The following RNASEH1 variants were observed in gnomAD, a reference collection of about 807,000 sequenced individuals.
RNASEH1 encodes ribonuclease H type II.
A neutral mutation model predicts 34.6 loss-of-function variants in RNASEH1; 27 were observed. That is an observed-to-expected ratio of 0.78 (90% confidence interval 0.58 to 1.08). The LOEUF (loss-of-function observed/expected upper bound fraction) is 1.08. RNASEH1 is among the 50% of genes least tolerant of loss of function. RNASEH1 has a pLI of 0.00. For synonymous variants in RNASEH1, 162 were observed against 138.4 expected, an observed-to-expected ratio of 1.17 and a Z score of -1.20; for missense variants, 349 against 373.6, an observed-to-expected ratio of 0.93 and a Z score of 0.54.
the RNASEH1 span, among the ~76,000 whole-genome samples, chr2:3,536,332 G>A: frequency 6.6e-6 from 1 of 152,194 alleles, no homozygotes; most frequent in Non-Finnish European, 1.5e-5. Context: ...TAAAACAAAT[G>A]GGCCTTGACA....
At position 3,558,255 on chromosome 2, in the gene RNASEH1, G is replaced by C. The variant is rs1223780346; in HGVS notation, c.6C>G (p.Ser2Arg). ...CTCTGTGGGCCAGGAACAGAAGCCA[G>C]CTCATCGCTCACTCCCGGCACCGGG... M[S>R]WLLFLAHRVA... is the part of the protein sequence containing the mutation. The change falls in exon 1 of 8, where the codon AGC (serine) becomes AGG (arginine). Residue 2 changes from serine (S) to arginine (R), a missense_variant. Coordinates refer to ENST00000315212, the MANE Select transcript of RNASEH1 (RefSeq NM_002936.6). 1.9e-6 allele frequency: 3 copies of C among 1,583,742 alleles called. No homozygotes were observed. Among genetic ancestry groups the C allele is most frequent in the East Asian group, 2.3e-5 (1 of 43,006 alleles).
chr2:3,541,588 T>C lies in RNASEH1; in HGVS notation c.*4197A>G, dbSNP rs887739199. Among the ~76,000 whole-genome samples, 5 of 152,190 alleles carry C rather than the reference T, an allele frequency of 3.3e-5. No individual in the cohort carries two copies. Among genetic ancestry groups the C allele is most frequent in the African/African-American group, 1.2e-4 (5 of 41,458 alleles). ...AAATGGGTGAATGCCAAAATAATTA[T>C]GCTGAGTAGAAGCACCTCCCCCCAC... is the stretch of plus-strand genomic sequence containing the variant. On this transcript the variant is annotated 3_prime_UTR_variant, in exon 8 of 8. Transcript: ENST00000315212.
At chr2:3,536,463 G>C (rs564635945), downstream of RNASEH1, among the ~76,000 whole-genome samples, 3 of 152,212 alleles carry the variant, frequency 2.0e-5, no homozygotes, top group Admixed American at 6.5e-5. Flanking sequence ...GCTCTGTCCT[G>C]GGCTGGCTCC....
At chr2:3,535,831 A>G in the RNASEH1 span, among the ~76,000 whole-genome samples, 1 of 152,230 alleles carries the variant, frequency 6.6e-6, no homozygotes, top group African/African-American at 2.4e-5. Context: ...GGAGCTCTGC[A>G]CTAGTACAGG....
chr2:3,557,227 T>A (rs1660601698), intron 1 of RNASEH1, among the ~76,000 whole-genome samples: 1 of 152,214 alleles, frequency 6.6e-6, no homozygotes, highest in African/African-American at 2.4e-5. Context: ...TTTTTCCAAA[T>A]ATTTTTGATC....
intron 2 of RNASEH1, among the ~76,000 whole-genome samples, chr2:3,553,732 G>A (rs1380377010): frequency 1.3e-5 from 2 of 152,008 alleles, no homozygotes; most frequent in African/African-American, 4.8e-5. Context: ...TCTGGGAAGG[G>A]CCCATATCTC....
chr2:3,547,934 C>G lies in RNASEH1; in HGVS notation c.771G>C (p.Gln257His). 6.2e-7 allele frequency: 1 copy of G among 1,613,760 alleles called. No individual in the cohort carries two copies. The highest frequency in any genetic ancestry group is 8.5e-7 in the Non-Finnish European group (1 of 1,179,668). ...CATGAACATTTAAGATACTCACCCACTGAATGTCCATCCCCTGGGTAAGCC... is the reference window on the plus strand; with the variant it reads ...CATGAACATTTAAGATACTCACCCAGTGAATGTCCATCCCCTGGGTAAGCC... The part of the protein sequence containing the change: ...LERLTQGMDI[Q>H]WMHVPGHSGF... The change falls in exon 7 of 8, where the codon CAG becomes CAC. Residue 257 changes from glutamine to histidine, a missense_variant. Physicochemically the swap from Gln to His is conservative, Grantham distance 24. This residue lies in a region of RNASEH1 where 93 missense variants were observed against 132.9 expected (regional missense o/e 0.70). Transcript: ENST00000315212.
At chr2:3,548,935 T>TA (rs1450551898) in intron 5 of RNASEH1, 123 bp downstream of exon 5, 14 of 936,568 alleles carry the variant, frequency 1.5e-5, no homozygotes, top group Non-Finnish European at 2.0e-5. Flanking sequence ...TCAAAATTGT[T>TA]ATTAAACCCG....
the RNASEH1 span, among the ~76,000 whole-genome samples, chr2:3,532,785 C>T: frequency 6.6e-6 from 1 of 152,196 alleles, no homozygotes. Flanking sequence ...TTCACTGAGG[C>T]CCAAAGAGAT....
At chr2:3,556,689 C>G (rs547482179) in intron 2 of RNASEH1, 100 bp downstream of exon 2, 1 of 713,786 alleles carries the variant, frequency 1.4e-6, no homozygotes, top group African/African-American at 1.8e-5. Flanking sequence ...ACACGAGGTT[C>G]CCTACATGCC....
the RNASEH1 span, among the ~76,000 whole-genome samples, chr2:3,532,774 G>C: frequency 6.6e-6 from 1 of 152,216 alleles, no homozygotes; most frequent in African/African-American, 2.4e-5. Context: ...TAGTGAAAGT[G>C]TTCACTGAGG....
At chr2:3,535,274 T>A in the RNASEH1 span, among the ~76,000 whole-genome samples, 1 of 150,794 alleles carries the variant, frequency 6.6e-6, no homozygotes, top group African/African-American at 2.4e-5. Flanking sequence ...AAAAAAAAAT[T>A]AAAAAGCCAG....
At position 3,541,798 on chromosome 2, in the gene RNASEH1, G is replaced by A. The variant is rs376958543; in HGVS notation, c.*3987C>T. On this transcript the variant is annotated 3_prime_UTR_variant, in exon 8 of 8. Coordinates refer to ENST00000315212, the MANE Select transcript of RNASEH1 (RefSeq NM_002936.6). ...CGACAGCTTCACAGGCAAATGCATC[G>A]GTCACTTCACGTATGTGCAGTTCAT... Among the ~76,000 whole-genome samples the A allele has an allele frequency of 6.6e-6, 1 of 152,158 alleles. No homozygotes were observed. Among genetic ancestry groups the A allele is most frequent in the South Asian group, 2.1e-4 (1 of 4,836 alleles).
rs373149401 is a variant in RNASEH1, at chr2:3,558,289, C to A, written c.-29G>T. On this transcript the variant is annotated 5_prime_UTR_variant, in exon 1 of 8. Transcript: ENST00000315212. Reference sequence around the variant, plus strand: ...TCACTCCCGGCACCGGGAAGCATTTCGACTCCCGGCCCAGCGTGGGCGCGA... The same window carrying A: ...TCACTCCCGGCACCGGGAAGCATTTAGACTCCCGGCCCAGCGTGGGCGCGA... 3.9e-6 allele frequency: 6 copies of A among 1,521,032 alleles called. No individual in the cohort carries two copies. The highest frequency in any genetic ancestry group is 1.4e-5 in the African/African-American group (1 of 70,178). The allele number at this position is 1,521,032 out of a possible 1,614,324, so 94.2% of individuals were successfully genotyped here.
chr2:3,556,034 C>T (rs1660459583), intron 2 of RNASEH1, among the ~76,000 whole-genome samples: 1 of 151,950 alleles, frequency 6.6e-6, no homozygotes, highest in South Asian at 2.1e-4. Flanking sequence ...ATTAGCCGGG[C>T]GTGGTGGCAC....
intron 4 of RNASEH1, chr2:3,549,974 C>T (rs1315943158): frequency 6.1e-6 from 1 of 164,532 alleles, no homozygotes; most frequent in Non-Finnish European, 1.3e-5. Context: ...GACTCCTCCC[C>T]AGGGCAAGAA....
Position 3,545,715 on chromosome 2 carries a change from C to G in RNASEH1, c.*70G>C. On this transcript the variant is annotated 3_prime_UTR_variant, in exon 8 of 8. Coordinates refer to ENST00000315212, the MANE Select transcript of RNASEH1 (RefSeq NM_002936.6). ...AATGGTCCTACCTGCAGGCTATTTT[C>G]CACACCAGTAAGTACAGGCAGCAAG... 1 of 1,043,858 alleles carries G rather than the reference C, an allele frequency of 9.6e-7. No individual in the cohort carries two copies. Among genetic ancestry groups the G allele is most frequent in the South Asian group, 1.3e-5 (1 of 79,494 alleles). The allele number at this position is 1,043,858 out of a possible 1,614,324, so 64.7% of individuals were successfully genotyped here. A position where few individuals can be genotyped will look rare whatever the true frequency, so the allele number is the denominator to read the frequency against.
chr2:3,554,668 A>C (rs567611974), intron 2 of RNASEH1, among the ~76,000 whole-genome samples: 1 of 152,242 alleles, frequency 6.6e-6, no homozygotes, highest in Non-Finnish European at 1.5e-5. Context: ...TAAGAGTCAG[A>C]GTACTTAATA....
intron 2 of RNASEH1, among the ~76,000 whole-genome samples, chr2:3,553,214 C>T (rs1004264108): frequency 6.6e-6 from 1 of 151,384 alleles, no homozygotes; most frequent in African/African-American, 2.4e-5. Context: ...CGCCACTGCA[C>T]TCCAGCCTGG....
Sources: gnomAD v4.1 joint callset for allele counts (sites outside exome capture counted in the v4.1 genomes callset) on GRCh38, gnomAD v4.1.1 for gene constraint, gnomAD v4.1.1 regional missense constraint, MANE v1.5 for transcripts, NCBI Gene and HGNC (gene_info 2026-07-23, HGNC 2026-07-21) for gene names.